The following ZNF106 variants were observed in gnomAD, a reference collection of about 807,000 sequenced individuals.
ZNF106 encodes SH3-domain binding protein 3.
A neutral mutation model predicts 195.1 loss-of-function variants in ZNF106; 67 were observed. That is an observed-to-expected ratio of 0.34 (90% CI 0.28 to 0.42). The LOEUF is 0.42. Among genes scored for constraint, ZNF106 ranks in the 10% least tolerant of loss-of-function variants. The probability of loss-of-function intolerance (pLI) is 1.00; values close to 1 mark genes in which losing one functional copy is unlikely to be tolerated. For synonymous variants in ZNF106, 784 were observed against 818.6 expected (o/e 0.96, Z 0.72); for missense variants, 2,118 against 2,304.5 (o/e 0.92, Z 1.66).
At chr15:42,444,110 T>C (rs1276567195) in intron 9 of ZNF106, 92 bp downstream of exon 9, 17 of 569,482 alleles carry the variant, frequency 3.0e-5, no homozygotes, top group African/African-American at 9.2e-5. Context: ...AGACTCTGTC[T>C]CCAAAAAAAA....
Position 42,466,042 on chromosome 15 carries a change from C to G in ZNF106, c.116+11G>C. On this transcript the variant is annotated intron_variant, in intron 3 of 21. Transcript: ENST00000564754. ...CATTCACAAACTTATGGAAGAGAGC[C>G]GTTCCCATACCTGCCCTTGAGGTTC... 6.5e-7 allele frequency: 1 copy of G among 1,532,544 alleles called. No homozygotes were observed. Among genetic ancestry groups the G allele is most frequent in the South Asian group, 1.2e-5 (1 of 83,342 alleles). 94.9% of individuals were successfully genotyped at this position (1,532,544 alleles called of 1,614,324 possible).
intron 1 of ZNF106, among the ~76,000 whole-genome samples, chr15:42,482,692 C>A (rs1336634154): frequency 2.6e-5 from 4 of 152,096 alleles, no homozygotes; most frequent in Non-Finnish European, 5.9e-5. Context: ...CCACACCTGG[C>A]TAATTTTTTT....
At chr15:42,453,698 C>T (rs541535602) in intron 4 of ZNF106, among the ~76,000 whole-genome samples, 32 of 151,706 alleles carry the variant, frequency 2.1e-4, no homozygotes, top group Middle Eastern at 3.4e-3. Context: ...CGAGTTCAAG[C>T]GATTCTCCTG....
intron 4 of ZNF106, among the ~76,000 whole-genome samples, chr15:42,453,002 A>T (rs1262957224): frequency 6.6e-6 from 1 of 152,070 alleles, no homozygotes; most frequent in Non-Finnish European, 1.5e-5. Context: ...CCTAGTTATC[A>T]TATTTAGTAC....
intron 5 of ZNF106, 80 bp downstream of exon 5, chr15:42,449,691 G>A (rs1294639387): frequency 2.3e-5 from 34 of 1,502,544 alleles, no homozygotes; most frequent in Middle Eastern, 2.3e-4. Context: ...AATGAAACAC[G>A]TAGAATTCTC....
rs1567016756 is a variant in ZNF106 at position 42,450,162 on chromosome 15, CA to C, written c.2109del (p.Asp703GlufsTer40). On this transcript the variant is annotated frameshift_variant, in exon 5 of 22. Coordinates refer to ENST00000564754, the MANE Select transcript of ZNF106 (RefSeq NM_001366845.3). LOFTEE classifies it high-confidence loss of function. ...TAAGATACATGAGATTTAATAGAGT[CA>C]TCAACCTGTGCATCTTCTAGAGAGG... ...LKTSLEDAQV[D>X]DSIKSHVSYE... The C allele has an allele frequency of 6.2e-7, 1 of 1,614,184 alleles. No homozygotes were observed. The highest frequency in any genetic ancestry group is 1.7e-5 in the Admixed American group (1 of 60,024).
intron 4 of ZNF106, among the ~76,000 whole-genome samples, chr15:42,452,309 G>A (rs920341795): frequency 6.6e-6 from 1 of 151,972 alleles, no homozygotes; most frequent in Non-Finnish European, 1.5e-5. Flanking sequence ...GTTCACTTTA[G>A]GTCAGGAATT....
chr15:42,449,107 G>A (rs2141351621), intron 5 of ZNF106, among the ~76,000 whole-genome samples: 1 of 152,064 alleles, frequency 6.6e-6, no homozygotes, highest in Admixed American at 6.5e-5. Flanking sequence ...AAAGGAAAGT[G>A]GGGGGAAATA....
At chr15:42,488,882 G>T (rs962045068) in intron 1 of ZNF106, among the ~76,000 whole-genome samples, 1 of 151,966 alleles carries the variant, frequency 6.6e-6, no homozygotes, top group Non-Finnish European at 1.5e-5. Context: ...TTCAAGACCA[G>T]CCCAGCCAAC....
chr15:42,413,865 T>C lies in ZNF106; in HGVS notation c.*3439A>G, dbSNP rs1481825413. 2 of 152,224 alleles carry C rather than the reference T, an allele frequency of 1.3e-5. No individual in the cohort carries two copies. The highest frequency in any genetic ancestry group is 4.8e-5 in the African/African-American group (2 of 41,458). The allele number at this position is 152,224 out of a possible 1,614,324, so 9.4% of individuals were successfully genotyped here. On this transcript the variant is annotated 3_prime_UTR_variant, in exon 22 of 22. Transcript: ENST00000564754. ...CTTTGCTGTTAGAGTTTTGTTTGCA[T>C]GGTGTGGAACTGCTTTATAAACTGA...
intron 2 of ZNF106, 30 bp from the exon 3 acceptor site, chr15:42,466,144 T>C (rs2056511775): frequency 1.3e-6 from 2 of 1,493,840 alleles, no homozygotes; most frequent in South Asian, 1.3e-5. Flanking sequence ...AGATTAAAAC[T>C]AAGCAGGATT....
chr15:42,445,941 T>C (rs902873116), intron 7 of ZNF106, among the ~76,000 whole-genome samples: 1 of 151,536 alleles, frequency 6.6e-6, no homozygotes, highest in Non-Finnish European at 1.5e-5. Flanking sequence ...AGGAAGGGAG[T>C]GTGGAGGTGG....
intron 14 of ZNF106, among the ~76,000 whole-genome samples, chr15:42,430,656 A>G (rs1449362690): frequency 6.6e-6 from 1 of 152,034 alleles, no homozygotes; most frequent in African/African-American, 2.4e-5. Context: ...AAGTGTTAAG[A>G]TTATAGGCAT....
chr15:42,417,244 T>G lies in ZNF106; in HGVS notation c.*60A>C, dbSNP rs1477814971. On this transcript the variant is annotated 3_prime_UTR_variant, in exon 22 of 22. Coordinates refer to ENST00000564754, the MANE Select transcript of ZNF106 (RefSeq NM_001366845.3). ...AAGAAAGGGAAGAGAGTGGCCTGTGTGGGGGGCCAATGTGAAAATAGTTCA... is the reference window on the plus strand; with the variant it reads ...AAGAAAGGGAAGAGAGTGGCCTGTGGGGGGGGCCAATGTGAAAATAGTTCA... The G allele has an allele frequency of 4.4e-6, 7 of 1,578,476 alleles. No homozygotes were observed. The highest frequency in any genetic ancestry group is 1.3e-5 in the African/African-American group (1 of 74,194).
chr15:42,474,354 G>C (rs2056742740), intron 1 of ZNF106, among the ~76,000 whole-genome samples: 2 of 152,200 alleles, frequency 1.3e-5, no homozygotes, highest in Admixed American at 6.5e-5. Flanking sequence ...CTAGCACTTA[G>C]AACAGTGTAT....
At chr15:42,429,543 G>A (rs1874020811) in intron 14 of ZNF106, among the ~76,000 whole-genome samples, 1 of 151,964 alleles carries the variant, frequency 6.6e-6, no homozygotes, top group African/African-American at 2.4e-5. Flanking sequence ...TTACAATTGG[G>A]TAGGATGAGA....
At chr15:42,444,662 TTTC>T (rs1379556807) in intron 8 of ZNF106, among the ~76,000 whole-genome samples, 162 bp downstream of exon 8, 2 of 152,234 alleles carry the variant, frequency 1.3e-5, no homozygotes, top group African/African-American at 4.8e-5. Flanking sequence ...TTAGTGCTTC[TTTC>T]TTTGGAATCC....
chr15:42,448,256 G>C lies in ZNF106; in HGVS notation c.2951C>G (p.Ser984Cys), dbSNP rs2055843850. The change falls in exon 6 of 22, where the codon TCT (serine) becomes TGT (cysteine). Residue 984 changes from serine (S) to cysteine (C), a missense_variant. By Grantham distance (112) the Ser-to-Cys change is moderately radical. Coordinates refer to ENST00000564754, the MANE Select transcript of ZNF106 (RefSeq NM_001366845.3). Reference sequence around the variant, plus strand: ...ATTCTGATTCTCTGACGGTGGTATAGACCTCTCCTGGCTGTTCAAGTCTTT... The same window carrying C: ...ATTCTGATTCTCTGACGGTGGTATACACCTCTCCTGGCTGTTCAAGTCTTT... ...LAKDLNSQER[S>C]IPPSENQNSQ... The C allele has an allele frequency of 1.9e-6, 3 of 1,614,230 alleles. No homozygotes were observed. The highest frequency in any genetic ancestry group is 2.5e-6 in the Non-Finnish European group (3 of 1,180,038).
intron 10 of ZNF106, among the ~76,000 whole-genome samples, chr15:42,441,047 A>G (rs1240398489): frequency 9.5e-6 from 1 of 104,982 alleles, no homozygotes. Context: ...ATATATATAT[A>G]TGCTAAGTCA....
Sources: allele counts gnomAD v4.1 joint callset (sites outside exome capture counted in the v4.1 genomes callset), GRCh38; gene constraint gnomAD v4.1.1; transcripts MANE v1.5; gene names NCBI Gene and HGNC (gene_info 2026-07-23, HGNC 2026-07-21).